Variants in CPVL observed in about 807,000 individuals in gnomAD.
The protein encoded by CPVL is probable serine carboxypeptidase CPVL.
Under a neutral mutation model 63.7 loss-of-function variants are expected in CPVL, and 51 were observed. That is an observed-to-expected ratio of 0.80 (90% CI 0.64 to 1.01). CPVL has a LOEUF of 1.01. CPVL is among the 50% of genes least tolerant of loss of function. CPVL has a pLI of 0.00. For synonymous variants in CPVL, 195 were observed against 206.0 expected (o/e 0.95, Z 0.46); for missense variants, 530 against 573.1 (o/e 0.92, Z 0.77).
At chr7:29,098,214 A>G (rs968768985) in intron 3 of CPVL, among the ~76,000 whole-genome samples, 2 of 152,188 alleles carry the variant, frequency 1.3e-5, no homozygotes, top group African/African-American at 4.8e-5. Flanking sequence ...GCAGAAGGCA[A>G]GACTGACTCA....
chr7:29,101,906 C>T (rs1787181890), intron 3 of CPVL, among the ~76,000 whole-genome samples: 1 of 152,140 alleles, frequency 6.6e-6, no homozygotes, highest in Admixed American at 6.5e-5. Context: ...ATTCACTTAA[C>T]AATATGTTGT....
At chr7:29,159,418 G>T (rs986271899) in intron 5 of CPVL, among the ~76,000 whole-genome samples, 7 of 152,166 alleles carry the variant, frequency 4.6e-5, no homozygotes, top group African/African-American at 1.7e-4. Context: ...GTTTTGGATG[G>T]CAGTATTGGA....
chr7:29,135,137 T>C (rs1483419708), intron 1 of CPVL, among the ~76,000 whole-genome samples: 2 of 150,348 alleles, frequency 1.3e-5, no homozygotes, highest in African/African-American at 4.9e-5. Context: ...GGTAAGAAAT[T>C]ATCAAAGAAA....
At chr7:29,118,848 C>A (rs1376786679) in intron 2 of CPVL, among the ~76,000 whole-genome samples, 1 of 152,200 alleles carries the variant, frequency 6.6e-6, no homozygotes, top group African/African-American at 2.4e-5. Context: ...TTCACAGGCA[C>A]CATCTCTGCC....
chr7:29,097,590 G>C (rs1786570878), intron 3 of CPVL, among the ~76,000 whole-genome samples: 1 of 152,182 alleles, frequency 6.6e-6, no homozygotes, highest in Non-Finnish European at 1.5e-5. Context: ...CAGCTACTTG[G>C]GAGGCTGAGG....
At chr7:29,016,906 A>G (rs1786467527) in intron 12 of CPVL, among the ~76,000 whole-genome samples, 1 of 152,176 alleles carries the variant, frequency 6.6e-6, no homozygotes, top group Admixed American at 6.5e-5. Context: ...ATAGATGGAG[A>G]ATCTTCTTCC....
At chr7:29,088,743 G>A (rs955646859) in intron 6 of CPVL, among the ~76,000 whole-genome samples, 2 of 152,134 alleles carry the variant, frequency 1.3e-5, no homozygotes, top group East Asian at 1.9e-4. Context: ...GTGGGAGGCC[G>A]AGGCGGGCAG....
intron 3 of CPVL, among the ~76,000 whole-genome samples, chr7:29,110,409 G>C (rs1350813825): frequency 6.6e-6 from 1 of 152,148 alleles, no homozygotes; most frequent in African/African-American, 2.4e-5. Flanking sequence ...TTTCTTTCTG[G>C]TAAAAGGCGT....
chr7:29,038,001 A>C (rs990909201), intron 11 of CPVL, among the ~76,000 whole-genome samples: 2 of 140,666 alleles, frequency 1.4e-5, no homozygotes, highest in Non-Finnish European at 2.9e-5. Flanking sequence ...AGGTTTTACC[A>C]ATGTTTTTAT....
intron 5 of CPVL, among the ~76,000 whole-genome samples, chr7:29,162,570 A>G (rs2128712647): frequency 6.6e-6 from 1 of 151,622 alleles, no homozygotes; most frequent in Admixed American, 6.6e-5. Flanking sequence ...CTGAGGCAGG[A>G]GAATCACTTG....
At chr7:29,054,891 AC>A (rs1259943285) in intron 11 of CPVL, among the ~76,000 whole-genome samples, 1 of 152,056 alleles carries the variant, frequency 6.6e-6, no homozygotes, top group Non-Finnish European at 1.5e-5. Flanking sequence ...CTACTCTTTA[AC>A]CCATGCACTG....
intron 6 of CPVL, among the ~76,000 whole-genome samples, chr7:29,090,160 G>A (rs952184463): frequency 1.3e-5 from 2 of 152,158 alleles, no homozygotes; most frequent in Non-Finnish European, 2.9e-5. Flanking sequence ...ACCACACCTG[G>A]CCACCCTTGA....
intron 3 of CPVL, chr7:29,096,602 C>T: frequency 4.2e-6 from 1 of 236,048 alleles, no homozygotes; most frequent in Non-Finnish European, 8.4e-6. Flanking sequence ...CACATATTCC[C>T]AACAGAGGCA....
At chr7:29,135,557 C>G (rs971092332) in intron 1 of CPVL, among the ~76,000 whole-genome samples, 4 of 152,116 alleles carry the variant, frequency 2.6e-5, no homozygotes, top group Non-Finnish European at 4.4e-5. Flanking sequence ...TGGTCTCGAA[C>G]TCCTGACCTC....
At chr7:29,166,640 A>C (rs1795952849) in intron 5 of CPVL, among the ~76,000 whole-genome samples, 1 of 152,136 alleles carries the variant, frequency 6.6e-6, no homozygotes, top group African/African-American at 2.4e-5. Context: ...GTTGTCAAAT[A>C]TTATGGCAAA....
intron 5 of CPVL, among the ~76,000 whole-genome samples, chr7:29,166,167 A>C (rs1266718525): frequency 6.6e-6 from 1 of 151,990 alleles, no homozygotes; most frequent in Non-Finnish European, 1.5e-5. Flanking sequence ...AGTAGCTAGG[A>C]CCACGGGTGT....
At chr7:29,121,843 A>T (rs1313791539) in intron 1 of CPVL, among the ~76,000 whole-genome samples, 1 of 152,112 alleles carries the variant, frequency 6.6e-6, no homozygotes, top group African/African-American at 2.4e-5. Context: ...ACAACAACAA[A>T]AACAAAAACA....
Position 29,056,949 on chromosome 7 carries a change from C to CTTTTTTT in CPVL, c.1137+7105_1137+7111dup, listed in dbSNP as rs70977101. ...ATGATGTTGAACATCTTTTCCTTTT[C>CTTTTTTT]TTTTTTTTTTTTTTTTTTTGAGACA... is the stretch of plus-strand genomic sequence containing the variant. On this transcript the variant is annotated intron_variant, in intron 11 of 12. Transcript: ENST00000265394. Among the ~76,000 whole-genome samples the CTTTTTTT allele has an allele frequency of 4.0e-3, 467 of 117,578 alleles. 6 individuals are homozygous for CTTTTTTT. The highest frequency in any genetic ancestry group is 4.8e-3 in the Non-Finnish European group (283 of 58,968). 77.1% of individuals were successfully genotyped at this position (117,578 alleles called of 152,430 possible).
At chr7:29,086,197 CAGG>C (rs984783801) in intron 7 of CPVL, among the ~76,000 whole-genome samples, 4 of 152,018 alleles carry the variant, frequency 2.6e-5, no homozygotes, top group African/African-American at 4.8e-5. Context: ...GAGGCTGAGG[CAGG>C]AGAATTGCTT....
Sources: allele counts gnomAD v4.1 joint callset (sites outside exome capture counted in the v4.1 genomes callset), GRCh38; gene constraint gnomAD v4.1.1; transcripts MANE v1.5; gene names NCBI Gene and HGNC (gene_info 2026-07-23, HGNC 2026-07-21).